Variants in TMEM117 observed in about 807,000 individuals in gnomAD.
TMEM117 encodes the protein transmembrane protein 117.
Under a neutral mutation model 52.4 loss-of-function variants are expected in TMEM117, and 27 were observed. The ratio of observed to expected loss-of-function variants is 0.51; its 90% CI spans 0.38 to 0.71. The LOEUF is 0.71. TMEM117 is among the 30% of genes least tolerant of loss of function. TMEM117 has a pLI of 0.00. For synonymous variants in TMEM117, 215 were observed against 206.3 expected, an observed-to-expected ratio of 1.04 and a Z score of -0.36; for missense variants, 556 against 630.5, an observed-to-expected ratio of 0.88 and a Z score of 1.26.
At chr12:43,831,832 C>T (rs1942984453), upstream of TMEM117, among the ~76,000 whole-genome samples, 1 of 152,038 alleles carries the variant, frequency 6.6e-6, no homozygotes, top group African/African-American at 2.4e-5. Context: ...AGTGAGCCAC[C>T]GTGCCCGGCC....
At chr12:43,919,753 A>G (rs533929277) in intron 2 of TMEM117, among the ~76,000 whole-genome samples, 2 of 151,680 alleles carry the variant, frequency 1.3e-5, no homozygotes, top group Admixed American at 6.6e-5. Flanking sequence ...TTTTATTCTC[A>G]TCAGTAGTGT....
chr12:43,949,408 G>T (rs757850126), intron 3 of TMEM117, among the ~76,000 whole-genome samples: 9 of 152,178 alleles, frequency 5.9e-5, no homozygotes, highest in Non-Finnish European at 8.8e-5. Flanking sequence ...GCCAGCACTT[G>T]GGAGGTGCTG....
chr12:44,040,983 G>A lies in TMEM117; in HGVS notation c.410+96641G>A, dbSNP rs1200347957. Among the ~76,000 whole-genome samples, 3 of 152,104 alleles carry A rather than the reference G, an allele frequency of 2.0e-5. No individual in the cohort carries two copies. The East Asian group carries it at 5.8e-4, about 29-fold the overall frequency. Reference sequence around the variant, plus strand: ...AAGCAATGATTGACAGAAGTAAATGGCAATGAAAAAATAAGCACATGGAAA... The same window carrying A: ...AAGCAATGATTGACAGAAGTAAATGACAATGAAAAAATAAGCACATGGAAA... On this transcript the variant is annotated intron_variant, in intron 3 of 7. Transcript: ENST00000266534.
intron 6 of TMEM117, among the ~76,000 whole-genome samples, chr12:44,346,467 A>G (rs1216767120): frequency 6.6e-6 from 1 of 152,108 alleles, no homozygotes; most frequent in African/African-American, 2.4e-5. Context: ...ACAGTACTCA[A>G]TGAAGAGTCT....
rs1431315242 is a variant in TMEM117 at position 43,987,854 on chromosome 12, TCCTC to T, written c.410+43514_410+43517del. Among the ~76,000 whole-genome samples the T allele has an allele frequency of 5.9e-5, 9 of 152,232 alleles. No individual in the cohort carries two copies. The South Asian group carries it at 1.9e-3, about 32-fold the overall frequency. On this transcript the variant is annotated intron_variant, in intron 3 of 7. Coordinates refer to ENST00000266534, the MANE Select transcript of TMEM117 (RefSeq NM_032256.3). ...TGCAAGTTATAAGTCTTTCTTGGCT[TCCTC>T]CAGGAAGTTGAAAATTAATATTTAT...
At chr12:43,978,983 A>AGT (rs1183028055) in intron 3 of TMEM117, among the ~76,000 whole-genome samples, 1 of 151,108 alleles carries the variant, frequency 6.6e-6, no homozygotes, top group African/African-American at 2.4e-5. Context: ...TCTGAGAAAT[A>AGT]GTATGCTCTA....
At chr12:44,180,203 G>A (rs73290263) in intron 4 of TMEM117, among the ~76,000 whole-genome samples, 2,927 of 152,030 alleles carry the variant, frequency 0.019, 80 homozygotes, top group African/African-American at 0.067. Flanking sequence ...ACAGTGTATC[G>A]CTGCTGTGAT....
intron 3 of TMEM117, among the ~76,000 whole-genome samples, chr12:43,950,535 AT>A (rs760143366): frequency 6.6e-4 from 48 of 72,508 alleles, no homozygotes; most frequent in African/African-American, 1.5e-3. Context: ...GCTCTGAACT[AT>A]TTTTTTTTTC....
the TMEM117 span, among the ~76,000 whole-genome samples, chr12:44,398,645 G>A: frequency 1.6e-3 from 249 of 152,262 alleles, 1 homozygote; most frequent in African/African-American, 5.8e-3. Context: ...CTGAGAACAG[G>A]CCTAACTGCT....
chr12:44,265,214 A>T (rs1950363384), intron 5 of TMEM117, among the ~76,000 whole-genome samples: 1 of 152,316 alleles, frequency 6.6e-6, no homozygotes, highest in Non-Finnish European at 1.5e-5. Flanking sequence ...CAAAGGCTGC[A>T]CAGCAGAAAG....
intron 7 of TMEM117, among the ~76,000 whole-genome samples, chr12:44,382,351 A>C (rs191423285): frequency 6.6e-6 from 1 of 152,330 alleles, no homozygotes; most frequent in Non-Finnish European, 1.5e-5. Flanking sequence ...TTTGCTTTTC[A>C]CAGTTTTTCA....
chr12:44,320,953 T>C (rs17094423), intron 6 of TMEM117, among the ~76,000 whole-genome samples: 7,316 of 152,302 alleles, frequency 0.048, 363 homozygotes, highest in African/African-American at 0.12. Flanking sequence ...TTTCAGGTCA[T>C]TGGGACTCAA....
intron 6 of TMEM117, among the ~76,000 whole-genome samples, chr12:44,357,698 A>G (rs1445647912): frequency 1.3e-5 from 2 of 152,182 alleles, no homozygotes; most frequent in Non-Finnish European, 2.9e-5. Flanking sequence ...CAGAGGAAAG[A>G]GAATGCTTAT....
intron 6 of TMEM117, among the ~76,000 whole-genome samples, chr12:44,333,208 A>G (rs1358821760): frequency 6.6e-6 from 1 of 152,028 alleles, no homozygotes; most frequent in African/African-American, 2.4e-5. Context: ...TTCAGAATGC[A>G]TGGAGTAAGT....
At chr12:43,923,671 G>T (rs1308493779) in intron 2 of TMEM117, among the ~76,000 whole-genome samples, 2 of 152,004 alleles carry the variant, frequency 1.3e-5, no homozygotes, top group Non-Finnish European at 2.9e-5. Context: ...TGCATATTTG[G>T]TTAAGTAAAA....
At chr12:43,849,116 C>A (rs531859502) in intron 2 of TMEM117, among the ~76,000 whole-genome samples, 1 of 152,312 alleles carries the variant, frequency 6.6e-6, no homozygotes. Flanking sequence ...TCAGTTGGAT[C>A]ATCCACCAAA....
At chr12:43,874,196 T>G (rs1943753395) in intron 2 of TMEM117, among the ~76,000 whole-genome samples, 1 of 152,168 alleles carries the variant, frequency 6.6e-6, no homozygotes, top group South Asian at 2.1e-4. Context: ...AACAAGACAT[T>G]TAACTTTTGC....
intron 3 of TMEM117, among the ~76,000 whole-genome samples, chr12:44,115,273 A>G (rs1391936682): frequency 6.6e-6 from 1 of 152,174 alleles, no homozygotes; most frequent in Non-Finnish European, 1.5e-5. Flanking sequence ...ACACTTGGAC[A>G]CAGGAAGGGG....
chr12:43,882,062 A>C (rs1943906526), intron 2 of TMEM117, among the ~76,000 whole-genome samples: 1 of 151,944 alleles, frequency 6.6e-6, no homozygotes, highest in South Asian at 2.1e-4. Flanking sequence ...ACAGAGCAAG[A>C]CTCCGTCTCA....
Sources: allele counts gnomAD v4.1 joint callset (sites outside exome capture counted in the v4.1 genomes callset), GRCh38; gene constraint gnomAD v4.1.1; transcripts MANE v1.5; gene names NCBI Gene and HGNC (gene_info 2026-07-23, HGNC 2026-07-21).